The following CACNA1E variants were observed in gnomAD, a reference collection of about 807,000 sequenced individuals.
CACNA1E encodes calcium voltage-gated channel subunit alpha1 E.
CACNA1E carries 40 observed loss-of-function variants against 259.2 expected under a neutral mutation model. That is an observed-to-expected ratio of 0.15 (90% CI 0.12 to 0.20). The LOEUF (loss-of-function observed/expected upper bound fraction) is 0.20, where lower values mean the gene tolerates loss of function less well. CACNA1E is among the 10% of genes least tolerant of loss of function. CACNA1E has a pLI of 1.00. For synonymous variants in CACNA1E, 1,104 were observed against 1,138.5 expected, an observed-to-expected ratio of 0.97 and a Z score of 0.61; for missense variants, 1,874 against 3,040.1, an observed-to-expected ratio of 0.62 and a Z score of 9.02.
chr1:181,751,130 CTCCACTATTTAGAG>C (rs2102658529), intron 26 of CACNA1E, among the ~76,000 whole-genome samples: 1 of 152,274 alleles, frequency 6.6e-6, no homozygotes, highest in Non-Finnish European at 1.5e-5. Context: ...CAGAGCCTGA[CTCCACTATTTAGAG>C]TCTTGTTTTC....
At position 181,715,372 on chromosome 1, in the gene CACNA1E, T is replaced by C; in HGVS notation, c.1206T>C (p.Ala402=). The change falls in exon 9 of 48, where the codon GCT becomes GCC. Residue 402 remains alanine, a synonymous_variant. Coordinates refer to ENST00000367573, the MANE Select transcript of CACNA1E (RefSeq NM_001205293.3). The part of the protein sequence containing the change: ...EVMLAEENKN[A]GTSALEVLRR... ...TGCTCGCTGAAGAAAATAAAAATGCTGGAACATCCGCCTTAGAAGGTAAGG... is the reference window on the plus strand; with the variant it reads ...TGCTCGCTGAAGAAAATAAAAATGCCGGAACATCCGCCTTAGAAGGTAAGG... 6.2e-7 allele frequency: 1 copy of C among 1,600,062 alleles called. No individual in the cohort carries two copies. The highest frequency in any genetic ancestry group is 8.5e-7 in the Non-Finnish European group (1 of 1,169,798).
intron 1 of CACNA1E, among the ~76,000 whole-genome samples, chr1:181,400,636 G>T (rs1657030449): frequency 6.6e-6 from 1 of 152,208 alleles, no homozygotes; most frequent in African/African-American, 2.4e-5. Context: ...TTGGCTCAAG[G>T]TCGTGTGCTG....
chr1:181,733,212 C>T (rs377326620), intron 20 of CACNA1E, among the ~76,000 whole-genome samples, 178 bp downstream of exon 20: 8 of 152,220 alleles, frequency 5.3e-5, no homozygotes, highest in Admixed American at 1.3e-4. Context: ...CCCCCAAAAA[C>T]GAGGGCCTGT....
intron 7 of CACNA1E, among the ~76,000 whole-genome samples, chr1:181,674,348 G>A (rs918089425): frequency 3.7e-5 from 5 of 136,426 alleles, no homozygotes; most frequent in Admixed American, 3.3e-4. Flanking sequence ...AGCCGAGATC[G>A]CGCCACTGTG....
At chr1:181,491,301 A>G (rs1036709837) in intron 1 of CACNA1E, among the ~76,000 whole-genome samples, 4 of 152,148 alleles carry the variant, frequency 2.6e-5, no homozygotes, top group African/African-American at 7.2e-5. Context: ...CATCTACACT[A>G]CTGGCTGTCA....
At chr1:181,508,303 A>T (rs1572053326) in intron 1 of CACNA1E, among the ~76,000 whole-genome samples, 1 of 152,178 alleles carries the variant, frequency 6.6e-6, no homozygotes, top group Admixed American at 6.5e-5. Context: ...CTATAGCACC[A>T]GTATTTCATG....
intron 1 of CACNA1E, among the ~76,000 whole-genome samples, chr1:181,351,287 T>C (rs1223955267): frequency 3.3e-5 from 5 of 152,130 alleles, no homozygotes; most frequent in Admixed American, 3.3e-4. Flanking sequence ...CACCTCAGCA[T>C]CTAGGGCTGT....
chr1:181,522,021 A>G (rs953779762), intron 3 of CACNA1E, among the ~76,000 whole-genome samples: 4 of 152,214 alleles, frequency 2.6e-5, no homozygotes, highest in Non-Finnish European at 5.9e-5. Flanking sequence ...GTGGGAGGCC[A>G]TTGAATGGTT....
At chr1:181,539,983 A>G (rs896270553) in intron 3 of CACNA1E, among the ~76,000 whole-genome samples, 1 of 152,168 alleles carries the variant, frequency 6.6e-6, no homozygotes, top group Non-Finnish European at 1.5e-5. Flanking sequence ...CATGCTTCCT[A>G]TTTAGGTCCT....
chr1:181,596,736 G>A (rs1421403507), intron 6 of CACNA1E, among the ~76,000 whole-genome samples: 1 of 152,154 alleles, frequency 6.6e-6, no homozygotes, highest in African/African-American at 2.4e-5. Context: ...CAGAAGTACT[G>A]TAGTACTGTA....
In CACNA1E at chr1:181,561,755, G is replaced by T. The variant is rs368983736; in HGVS notation, c.513-16011G>T. On this transcript the variant is annotated intron_variant, in intron 3 of 47. Transcript: ENST00000367573. Reference sequence around the variant, plus strand: ...TAGCTGTGATAAATAACTATTCATTGCTGGGTCAAATGGTAAGTATATGTA... The same window carrying T: ...TAGCTGTGATAAATAACTATTCATTTCTGGGTCAAATGGTAAGTATATGTA... 2.6e-5 allele frequency among the ~76,000 whole-genome samples: 4 copies of T among 152,300 alleles called. No homozygotes were observed. In the South Asian group the frequency reaches 6.2e-4, roughly 24 times the overall value.
chr1:181,757,482 G>A (rs1327953441), intron 30 of CACNA1E, among the ~76,000 whole-genome samples: 2 of 152,178 alleles, frequency 1.3e-5, no homozygotes, highest in Non-Finnish European at 2.9e-5. Flanking sequence ...AGCTTTTCCA[G>A]CAACAAGCAT....
chr1:181,389,076 A>G (rs1290614366), intron 1 of CACNA1E, among the ~76,000 whole-genome samples: 2 of 152,322 alleles, frequency 1.3e-5, no homozygotes, highest in Middle Eastern at 3.4e-3. Flanking sequence ...GTTTAAAGAC[A>G]TCTTCTTTAA....
intron 1 of CACNA1E, among the ~76,000 whole-genome samples, chr1:181,391,867 T>A (rs1276287076): frequency 6.6e-6 from 1 of 152,078 alleles, no homozygotes. Flanking sequence ...AGGAATCTGG[T>A]CTGCCACTCC....
chr1:181,411,117 T>C (rs997359605), intron 1 of CACNA1E, among the ~76,000 whole-genome samples: 8 of 152,178 alleles, frequency 5.3e-5, no homozygotes, highest in Non-Finnish European at 4.4e-5. Flanking sequence ...TTTGGGCTCC[T>C]GGCTAGGAGG....
rs76495153 is a variant in CACNA1E at position 181,505,074 on chromosome 1, G to C, written c.267-5403G>C. On this transcript the variant is annotated intron_variant, in intron 1 of 47. Coordinates refer to ENST00000367573, the MANE Select transcript of CACNA1E (RefSeq NM_001205293.3). ...GTTTCATGGTCATTTCCTCATTTTGGCCAGGTCCCTTCATTCTCTTGCATT... is the reference window on the plus strand; with the variant it reads ...GTTTCATGGTCATTTCCTCATTTTGCCCAGGTCCCTTCATTCTCTTGCATT... 5.6e-3 allele frequency among the ~76,000 whole-genome samples: 854 copies of C among 152,132 alleles called. 53 individuals carry two copies. The East Asian group carries it at 0.14, about 24-fold the overall frequency.
chr1:181,384,891 T>C (rs936434611), intron 1 of CACNA1E, among the ~76,000 whole-genome samples: 1 of 152,050 alleles, frequency 6.6e-6, no homozygotes, highest in African/African-American at 2.4e-5. Context: ...AAGTATATAA[T>C]AATAAAATAA....
At chr1:181,585,584 G>A (rs566799940) in intron 6 of CACNA1E, among the ~76,000 whole-genome samples, 1 of 152,270 alleles carries the variant, frequency 6.6e-6, no homozygotes, top group East Asian at 1.9e-4. Flanking sequence ...AAAAATGTGG[G>A]GAAAAAGAGA....
intron 6 of CACNA1E, among the ~76,000 whole-genome samples, chr1:181,648,461 T>C (rs960243996): frequency 1.3e-5 from 2 of 152,200 alleles, no homozygotes; most frequent in Admixed American, 6.5e-5. Flanking sequence ...TGTTACTAGA[T>C]TTTCTCTGAA....
Sources: allele counts gnomAD v4.1 joint callset (sites outside exome capture counted in the v4.1 genomes callset), GRCh38; gene constraint gnomAD v4.1.1; transcripts MANE v1.5; gene names NCBI Gene and HGNC (gene_info 2026-07-23, HGNC 2026-07-21).